The following SHISA9 variants were observed in gnomAD, a reference collection of about 807,000 sequenced individuals.
The protein encoded by SHISA9 is shisa family member 9.
Under a neutral mutation model 38.0 loss-of-function variants are expected in SHISA9, and 13 were observed. The ratio of observed to expected loss-of-function variants is 0.34; its 90% CI spans 0.22 to 0.54. SHISA9 has a LOEUF of 0.54. SHISA9 is among the 20% of genes least tolerant of loss of function. The pLI, the probability that SHISA9 is intolerant of heterozygous loss-of-function variation, is 0.91. For synonymous variants in SHISA9, 275 were observed against 242.0 expected (o/e 1.14, Z -1.27); for missense variants, 538 against 575.8 (o/e 0.93, Z 0.67).
the SHISA9 span, among the ~76,000 whole-genome samples, chr16:13,491,650 G>C: frequency 6.6e-6 from 1 of 151,172 alleles, no homozygotes; most frequent in East Asian, 1.9e-4. Context: ...AGCAGGCCTG[G>C]TTCATTTTTT....
the SHISA9 span, among the ~76,000 whole-genome samples, chr16:13,265,410 TCCTCC>T: frequency 2.9e-4 from 27 of 91,976 alleles, no homozygotes; most frequent in African/African-American, 1.2e-3. Context: ...CCTCTTTCTC[TCCTCC>T]CCCCTCCCCT....
chr16:12,909,361 G>T (rs1490934028), intron 1 of SHISA9: 1 of 985,290 alleles, frequency 1.0e-6, no homozygotes, highest in Non-Finnish European at 1.2e-6. Flanking sequence ...AAAAATAATT[G>T]ATGCTTCTTG....
intron 2 of SHISA9, among the ~76,000 whole-genome samples, chr16:13,148,306 C>T (rs1374605892): frequency 1.3e-5 from 2 of 152,136 alleles, no homozygotes; most frequent in Non-Finnish European, 2.9e-5. Context: ...TAGGCAAGAG[C>T]AGATGCAATG....
At chr16:12,927,639 A>G (rs1205905430) in intron 2 of SHISA9, among the ~76,000 whole-genome samples, 2 of 149,916 alleles carry the variant, frequency 1.3e-5, no homozygotes, top group Non-Finnish European at 3.0e-5. Flanking sequence ...GAGCTCCTGG[A>G]CTCAAGCAAT....
chr16:13,306,635 C>T, the SHISA9 span, among the ~76,000 whole-genome samples: 194 of 152,310 alleles, frequency 1.3e-3, no homozygotes, highest in African/African-American at 4.0e-3. Context: ...AGATGATTCA[C>T]ATGGCTATTG....
At chr16:13,298,741 G>C in the SHISA9 span, among the ~76,000 whole-genome samples, 1 of 152,312 alleles carries the variant, frequency 6.6e-6, no homozygotes, top group Admixed American at 6.5e-5. Context: ...CTGAAATGCA[G>C]CCCTTTGGAA....
chr16:13,536,737 T>C, the SHISA9 span, among the ~76,000 whole-genome samples: 1 of 152,190 alleles, frequency 6.6e-6, no homozygotes, highest in South Asian at 2.1e-4. Context: ...GAATATACCA[T>C]AGATATAGCT....
At chr16:13,562,064 G>T in the SHISA9 span, among the ~76,000 whole-genome samples, 2 of 152,134 alleles carry the variant, frequency 1.3e-5, no homozygotes, top group African/African-American at 4.8e-5. Context: ...TCCACATTGA[G>T]GGGAAGATGG....
At chr16:13,355,527 A>C in the SHISA9 span, among the ~76,000 whole-genome samples, 2 of 152,096 alleles carry the variant, frequency 1.3e-5, no homozygotes, top group Admixed American at 6.5e-5. Context: ...ATTTAGTTAA[A>C]GTGTCTCAGC....
intron 2 of SHISA9, among the ~76,000 whole-genome samples, chr16:13,074,954 G>A (rs551447471): frequency 6.6e-6 from 1 of 152,034 alleles, no homozygotes; most frequent in South Asian, 2.1e-4. Context: ...GTGAGCCACC[G>A]TGCCTGGCCA....
At chr16:13,246,303 G>A in the SHISA9 span, 1 of 152,062 alleles carries the variant, frequency 6.6e-6, no homozygotes, top group Non-Finnish European at 1.5e-5. Flanking sequence ...CCTTTTGCTT[G>A]GCTCCAATTC....
chr16:13,497,698 A>G, the SHISA9 span, among the ~76,000 whole-genome samples: 1 of 151,436 alleles, frequency 6.6e-6, no homozygotes, highest in South Asian at 2.1e-4. Context: ...AAAAAAAAAA[A>G]AAAGAAAAAA....
chr16:13,039,198 C>T (rs374713204), intron 2 of SHISA9, among the ~76,000 whole-genome samples: 23 of 152,136 alleles, frequency 1.5e-4, no homozygotes, highest in East Asian at 1.3e-3. Context: ...CATAAGCCAC[C>T]GCGCCTGGCC....
the SHISA9 span, among the ~76,000 whole-genome samples, chr16:13,513,637 C>A: frequency 6.6e-6 from 1 of 152,098 alleles, no homozygotes; most frequent in Non-Finnish European, 1.5e-5. Context: ...ACATACACAC[C>A]ACGGAATACT....
the SHISA9 span, among the ~76,000 whole-genome samples, chr16:13,456,930 A>G: frequency 3.3e-5 from 5 of 152,248 alleles, no homozygotes; most frequent in Non-Finnish European, 7.3e-5. Context: ...CAGGTTTGGA[A>G]CTTTTCCGGG....
At chr16:13,562,663 T>A in the SHISA9 span, 1 of 150,644 alleles carries the variant, frequency 6.6e-6, no homozygotes, top group Non-Finnish European at 1.5e-5. Context: ...TCATTCCTTA[T>A]ATGAAATTCC....
intron 2 of SHISA9, among the ~76,000 whole-genome samples, chr16:13,067,920 T>C (rs2073453377): frequency 6.6e-6 from 1 of 152,194 alleles, no homozygotes; most frequent in Admixed American, 6.5e-5. Context: ...TGTCACTTCC[T>C]CAAACCCCCG....
chr16:13,307,162 T>G, the SHISA9 span, among the ~76,000 whole-genome samples: 1 of 152,226 alleles, frequency 6.6e-6, no homozygotes, highest in African/African-American at 2.4e-5. Context: ...AGTTTCAGTA[T>G]CTATCAAATG....
At chr16:13,182,447 A>G (rs111587149) in intron 2 of SHISA9, among the ~76,000 whole-genome samples, 50 of 152,316 alleles carry the variant, frequency 3.3e-4, no homozygotes, top group African/African-American at 1.2e-3. Context: ...GTCTCAGTGT[A>G]TCCACTAATG....
Sources: allele counts gnomAD v4.1 joint callset (sites outside exome capture counted in the v4.1 genomes callset), GRCh38; gene constraint gnomAD v4.1.1; transcripts MANE v1.5; gene names NCBI Gene and HGNC (gene_info 2026-07-23, HGNC 2026-07-21).